The following LYZL4 variants were observed in gnomAD, a reference collection of about 807,000 sequenced individuals.
LYZL4 encodes lysozyme-like protein 4.
A neutral mutation model predicts 17.6 loss-of-function variants in LYZL4; 13 were observed. That is an observed-to-expected ratio of 0.74 (90% CI 0.48 to 1.18). The LOEUF (loss-of-function observed/expected upper bound fraction) is 1.18. Among genes scored for constraint, LYZL4 ranks in the 50% most tolerant of loss-of-function variants. LYZL4 has a pLI of 0.00. For synonymous variants in LYZL4, 64 were observed against 67.7 expected (o/e 0.95, Z 0.27); for missense variants, 174 against 188.2 (o/e 0.92, Z 0.44).
chr3:42,378,224 G>C, the LYZL4 span, among the ~76,000 whole-genome samples: 1 of 152,112 alleles, frequency 6.6e-6, no homozygotes, highest in South Asian at 2.1e-4. Context: ...GTTTCTCCCA[G>C]GCATCTCTAT....
In LYZL4 at chr3:42,407,289, C is replaced by T. The variant is rs775407411; in HGVS notation, c.-38G>A. The stretch of plus-strand genomic sequence containing the variant: ...CCTGGCAGGTCAGGGCAACGGTGGC[C>T]AGATGAGTGGGTGGAGTCACAGGGA... On this transcript the variant is annotated 5_prime_UTR_variant, in exon 2 of 5. Transcript: ENST00000287748. 6.2e-7 allele frequency: 1 copy of T among 1,612,778 alleles called. No homozygotes were observed. The highest frequency in any genetic ancestry group is 8.5e-7 in the Non-Finnish European group (1 of 1,179,610).
chr3:42,366,911 T>C, the LYZL4 span, among the ~76,000 whole-genome samples: 2 of 152,346 alleles, frequency 1.3e-5, no homozygotes, highest in South Asian at 4.1e-4. Flanking sequence ...CCATGAGACC[T>C]AGACCCCACC....
At chr3:42,389,548 C>T in the LYZL4 span, among the ~76,000 whole-genome samples, 2 of 152,218 alleles carry the variant, frequency 1.3e-5, no homozygotes, top group African/African-American at 4.8e-5. Flanking sequence ...CACAGCATAG[C>T]ACCGTAGGGT....
the LYZL4 span, among the ~76,000 whole-genome samples, chr3:42,371,122 C>T: frequency 6.6e-6 from 1 of 152,178 alleles, no homozygotes; most frequent in East Asian, 1.9e-4. Flanking sequence ...TCCTGATTCT[C>T]CCCTGGAACT....
chr3:42,396,316 C>T (rs1691132404), downstream of LYZL4, among the ~76,000 whole-genome samples: 1 of 152,270 alleles, frequency 6.6e-6, no homozygotes, highest in Non-Finnish European at 1.5e-5. Context: ...GGTGACCTGA[C>T]CTGCTGAGCA....
chr3:42,406,240 T>C lies in LYZL4; in HGVS notation c.292+606A>G, dbSNP rs1424655779. 2.6e-5 allele frequency among the ~76,000 whole-genome samples: 4 copies of C among 151,562 alleles called. No homozygotes were observed. The East Asian group carries it at 7.8e-4, about 29-fold the overall frequency. ...AGGCCGAGACGGGCAGATCACGAGG[T>C]CAGGAGATTGAGACCATCCTGGCTA... On this transcript the variant is annotated intron_variant, in intron 3 of 4. Coordinates refer to ENST00000287748, the MANE Select transcript of LYZL4 (RefSeq NM_144634.4).
chr3:42,389,898 C>T, the LYZL4 span, among the ~76,000 whole-genome samples: 18,934 of 152,150 alleles, frequency 0.12, 1,714 homozygotes, highest in Non-Finnish European at 0.19. Flanking sequence ...GATCAGTTGA[C>T]TGAGGAAGAA....
chr3:42,370,556 G>T, the LYZL4 span, among the ~76,000 whole-genome samples: 1 of 152,158 alleles, frequency 6.6e-6, no homozygotes, highest in Non-Finnish European at 1.5e-5. Flanking sequence ...CAATGAAAAA[G>T]AAAAATGAAA....
At chr3:42,406,449 G>A (rs1342083506) in intron 3 of LYZL4, among the ~76,000 whole-genome samples, 2 of 91,002 alleles carry the variant, frequency 2.2e-5, no homozygotes, top group South Asian at 4.3e-4. Flanking sequence ...GTGAGACTCC[G>A]TCTCAAAAAA....
the LYZL4 span, among the ~76,000 whole-genome samples, chr3:42,365,962 C>G: frequency 1.3e-5 from 2 of 152,186 alleles, no homozygotes; most frequent in Non-Finnish European, 2.9e-5. Context: ...TCCAAGCCCT[C>G]TACCTCCAAT....
intron 3 of LYZL4, 123 bp from the exon 4 acceptor site, chr3:42,404,247 ATCCT>A: frequency 1.8e-6 from 1 of 554,672 alleles, no homozygotes; most frequent in Non-Finnish European, 3.2e-6. Context: ...GAATAAATCT[ATCCT>A]TAGATTTTTA....
chr3:42,406,755 A>C, intron 3 of LYZL4, 91 bp downstream of exon 3: 1 of 1,526,752 alleles, frequency 6.5e-7, no homozygotes, highest in East Asian at 2.3e-5. Flanking sequence ...TCTTTGTAAA[A>C]CTTTGTAAAC....
Position 42,407,183 on chromosome 3 carries a change from C to A in LYZL4, c.69G>T (p.Gly23=), listed in dbSNP as rs1300825429. The change falls in exon 2 of 5, where the codon GGG becomes GGT. Residue 23 remains glycine, a synonymous_variant. Transcript: ENST00000287748. The part of the protein sequence containing the change: ...LVVPSGAYIL[G]RCTVAKKLHD... Reference sequence around the variant, plus strand: ...GGAGTTTCTTAGCCACTGTGCAACGCCCCAAGATGTAAGCACCACTTGGAA... The same window carrying A: ...GGAGTTTCTTAGCCACTGTGCAACGACCCAAGATGTAAGCACCACTTGGAA... 6.2e-7 allele frequency: 1 copy of A among 1,614,040 alleles called. No homozygotes were observed. The highest frequency in any genetic ancestry group is 8.5e-7 in the Non-Finnish European group (1 of 1,180,048).
chr3:42,374,153 C>T, the LYZL4 span, among the ~76,000 whole-genome samples: 1 of 152,280 alleles, frequency 6.6e-6, no homozygotes, highest in Middle Eastern at 3.4e-3. Context: ...AACCTTCCAT[C>T]TGCTCCTTAT....
At chr3:42,361,160 G>A in the LYZL4 span, among the ~76,000 whole-genome samples, 1 of 152,046 alleles carries the variant, frequency 6.6e-6, no homozygotes, top group Non-Finnish European at 1.5e-5. Flanking sequence ...ATGAATATGT[G>A]TATGTAACAT....
At chr3:42,378,345 G>A in the LYZL4 span, among the ~76,000 whole-genome samples, 2 of 152,292 alleles carry the variant, frequency 1.3e-5, no homozygotes, top group Admixed American at 1.3e-4. Flanking sequence ...TCAGAGGGTT[G>A]ACAGCAAGAA....
At position 42,400,649 on chromosome 3, in the gene LYZL4, C is replaced by T. The variant is rs1389199466; in HGVS notation, c.372-3315G>A. On this transcript the variant is annotated intron_variant, in intron 4 of 4. Transcript: ENST00000287748. ...TAATACATTGGTTACAAAATAAAGC[C>T]TAGTTTCAGAAATACTAAGATCTGA... Among the ~76,000 whole-genome samples the T allele has an allele frequency of 2.6e-5, 4 of 152,118 alleles. No individual in the cohort carries two copies. The East Asian group carries it at 7.7e-4, about 29-fold the overall frequency.
chr3:42,407,508 T>C, intron 1 of LYZL4, 165 bp from the exon 2 acceptor site: 1 of 507,858 alleles, frequency 2.0e-6, no homozygotes, highest in East Asian at 3.5e-5. Flanking sequence ...TCCTATTTTC[T>C]AAGGAAATTG....
the LYZL4 span, among the ~76,000 whole-genome samples, chr3:42,362,023 A>G: frequency 6.6e-6 from 1 of 152,246 alleles, no homozygotes; most frequent in African/African-American, 2.4e-5. Flanking sequence ...GTACATTAGG[A>G]ACATGTCACA....
Sources: gnomAD v4.1 joint callset for allele counts (sites outside exome capture counted in the v4.1 genomes callset) on GRCh38, gnomAD v4.1.1 for gene constraint, MANE v1.5 for transcripts, NCBI Gene and HGNC (gene_info 2026-07-23, HGNC 2026-07-21) for gene names.